ARNT2: variants seen among roughly 807,000 people sequenced by gnomAD.
ARNT2 encodes the protein ARNT protein 2.
Under a neutral mutation model 91.7 loss-of-function variants are expected in ARNT2, and 36 were observed. That is an observed-to-expected ratio of 0.39 (90% confidence interval 0.30 to 0.52). The LOEUF is 0.52. ARNT2 is among the 20% of genes least tolerant of loss of function. ARNT2 has a pLI of 0.72. For synonymous variants in ARNT2, 365 were observed against 347.1 expected, an observed-to-expected ratio of 1.05 and a Z score of -0.57; for missense variants, 775 against 939.3, an observed-to-expected ratio of 0.83 and a Z score of 2.29.
At chr15:80,470,125 T>G in intron 3 of ARNT2, 93 bp from the exon 4 acceptor site, 3 of 1,292,800 alleles carry the variant, frequency 2.3e-6, no homozygotes, top group Non-Finnish European at 3.2e-6. Context: ...TTCCTGGTCA[T>G]TTGGTGTTAA....
intron 11 of ARNT2, among the ~76,000 whole-genome samples, chr15:80,557,852 A>T (rs578208375): frequency 2.0e-5 from 3 of 151,282 alleles, no homozygotes; most frequent in South Asian, 4.2e-4. Context: ...TTTTACTCTT[A>T]CTCTACTCCA....
chr15:80,590,657 G>A lies in ARNT2; in HGVS notation c.1919-911G>A, dbSNP rs11857487. On this transcript the variant is annotated intron_variant, in intron 17 of 18. Transcript: ENST00000303329. ...TGAGGGAGGCTGAGGCTGGAGGATT[G>A]GTTGAGCCCAGGATTTCAAGGCTGA... 7.1e-3 allele frequency among the ~76,000 whole-genome samples: 1,078 copies of A among 152,332 alleles called. 13 individuals carry two copies. The highest frequency in any genetic ancestry group is 0.024 in the African/African-American group (1,007 of 41,576).
intron 5 of ARNT2, among the ~76,000 whole-genome samples, chr15:80,477,133 C>A (rs1436605372): frequency 6.6e-6 from 1 of 152,226 alleles, no homozygotes; most frequent in Non-Finnish European, 1.5e-5. Context: ...TCCTCAGAGG[C>A]CAAGCAGATA....
At chr15:80,559,649 C>G (rs1206217846) in intron 11 of ARNT2, among the ~76,000 whole-genome samples, 5 of 152,166 alleles carry the variant, frequency 3.3e-5, no homozygotes, top group African/African-American at 1.2e-4. Flanking sequence ...CAGCCAGGAA[C>G]CGGGAAACTT....
At chr15:80,590,378 A>G (rs1893254713) in intron 17 of ARNT2, among the ~76,000 whole-genome samples, 2 of 152,234 alleles carry the variant, frequency 1.3e-5, no homozygotes, top group Admixed American at 1.3e-4. Context: ...TTGAATCTCA[A>G]AAACGTTTTT....
chr15:80,540,718 G>C (rs189870616), intron 8 of ARNT2, among the ~76,000 whole-genome samples: 2 of 152,088 alleles, frequency 1.3e-5, no homozygotes, highest in East Asian at 3.9e-4. Flanking sequence ...CCAATGTTTA[G>C]TTCCCACTTA....
intron 1 of ARNT2, among the ~76,000 whole-genome samples, chr15:80,418,696 T>A (rs1895820333): frequency 6.6e-6 from 1 of 152,168 alleles, no homozygotes; most frequent in Non-Finnish European, 1.5e-5. Flanking sequence ...GGATGCTGTG[T>A]CTGGTCTGCC....
At chr15:80,520,807 C>G (rs925858968) in intron 8 of ARNT2, among the ~76,000 whole-genome samples, 36 of 152,206 alleles carry the variant, frequency 2.4e-4, no homozygotes, top group African/African-American at 8.7e-4. Flanking sequence ...CTATTTTTGT[C>G]TATGTTTAAC....
chr15:80,448,490 A>C (rs1896338005), intron 1 of ARNT2, among the ~76,000 whole-genome samples: 2 of 152,356 alleles, frequency 1.3e-5, no homozygotes, highest in East Asian at 3.9e-4. Flanking sequence ...TTGCCCCACC[A>C]GCCAAGGTTT....
intron 15 of ARNT2, 58 bp from the exon 16 acceptor site, chr15:80,580,352 AC>A (rs1436187815): frequency 3.7e-6 from 6 of 1,602,776 alleles, no homozygotes; most frequent in African/African-American, 1.3e-5. Flanking sequence ...TTGGCTGGGC[AC>A]GTAGACTCAT....
chr15:80,524,960 T>C (rs935105882), intron 8 of ARNT2, among the ~76,000 whole-genome samples: 10 of 152,174 alleles, frequency 6.6e-5, no homozygotes, highest in Non-Finnish European at 1.3e-4. Context: ...CCCAATTTTA[T>C]TTTTAAATTA....
At chr15:80,580,687 T>C in intron 16 of ARNT2, 138 bp downstream of exon 16, 1 of 1,140,444 alleles carries the variant, frequency 8.8e-7, no homozygotes, top group South Asian at 1.5e-5. Flanking sequence ...AGCTGGCTAC[T>C]CAGGAGCACC....
intron 5 of ARNT2, among the ~76,000 whole-genome samples, chr15:80,504,675 G>A (rs1253570376): frequency 6.6e-6 from 1 of 152,134 alleles, no homozygotes; most frequent in East Asian, 1.9e-4. Context: ...GGCTGAGGTG[G>A]GAGGATTGCT....
At chr15:80,447,591 G>A (rs1896325219) in intron 1 of ARNT2, among the ~76,000 whole-genome samples, 1 of 152,178 alleles carries the variant, frequency 6.6e-6, no homozygotes, top group Admixed American at 6.5e-5. Context: ...TTCTTTGGAT[G>A]GACATCCCAA....
chr15:80,512,380 G>A (rs1897356771), intron 6 of ARNT2, among the ~76,000 whole-genome samples: 1 of 152,202 alleles, frequency 6.6e-6, no homozygotes, highest in South Asian at 2.1e-4. Context: ...ATTCTTGAAG[G>A]CACAGATGAA....
At chr15:80,482,382 G>A (rs1221558579) in intron 5 of ARNT2, among the ~76,000 whole-genome samples, 2 of 152,006 alleles carry the variant, frequency 1.3e-5, no homozygotes, top group Non-Finnish European at 2.9e-5. Context: ...CACAGGAAGG[G>A]TTGAGAACCA....
chr15:80,443,453 CA>C (rs1411800963), intron 1 of ARNT2, among the ~76,000 whole-genome samples: 1 of 151,794 alleles, frequency 6.6e-6, no homozygotes, highest in East Asian at 1.9e-4. Context: ...GCAGGAAGGT[CA>C]GGGGCGTCCT....
intron 5 of ARNT2, among the ~76,000 whole-genome samples, chr15:80,506,446 G>A (rs1050396134): frequency 6.6e-5 from 10 of 152,204 alleles, no homozygotes; most frequent in Non-Finnish European, 1.2e-4. Flanking sequence ...ATCAGAGGTT[G>A]GGGGATTCCG....
chr15:80,488,866 G>C (rs1897014674), intron 5 of ARNT2: 1 of 152,000 alleles, frequency 6.6e-6, no homozygotes, highest in African/African-American at 2.4e-5. Context: ...AGCATTCTAA[G>C]TCCTCTTTGA....
Sources: gnomAD v4.1 joint callset for allele counts (sites outside exome capture counted in the v4.1 genomes callset) on GRCh38, gnomAD v4.1.1 for gene constraint, MANE v1.5 for transcripts, NCBI Gene and HGNC (gene_info 2026-07-23, HGNC 2026-07-21) for gene names.